CCDC60: variants seen among roughly 807,000 people sequenced by gnomAD.
CCDC60 encodes coiled-coil domain containing 60, also known as coiled-coil domain-containing protein 60.
CCDC60 carries 54 observed loss-of-function variants against 63.5 expected under a neutral mutation model. The observed-to-expected ratio is 0.85, with a 90% confidence interval of 0.68 to 1.07. CCDC60 has a LOEUF of 1.07. Among genes scored for constraint, CCDC60 ranks in the 50% least tolerant of loss-of-function variants. The pLI is 0.00. For synonymous variants in CCDC60, 206 were observed against 238.8 expected (o/e 0.86, Z 1.27); for missense variants, 651 against 684.3 (o/e 0.95, Z 0.54).
chr12:119,499,750 A>C (rs1951802951), intron 5 of CCDC60, among the ~76,000 whole-genome samples: 2 of 152,228 alleles, frequency 1.3e-5, no homozygotes, highest in Non-Finnish European at 2.9e-5. Flanking sequence ...CATGCTTTTC[A>C]ATTCACCCCT....
chr12:119,416,783 C>A (rs1956707100), intron 1 of CCDC60, among the ~76,000 whole-genome samples: 1 of 152,070 alleles, frequency 6.6e-6, no homozygotes, highest in Admixed American at 6.5e-5. Context: ...AAAAATTTCC[C>A]CACAAATCAA....
intron 1 of CCDC60, among the ~76,000 whole-genome samples, chr12:119,428,217 A>G (rs1956933918): frequency 6.6e-6 from 1 of 152,170 alleles, no homozygotes; most frequent in Non-Finnish European, 1.5e-5. Flanking sequence ...CAGCTCTCCA[A>G]ATCAACTGCT....
intron 8 of CCDC60, among the ~76,000 whole-genome samples, chr12:119,518,242 C>T (rs529720063): frequency 6.6e-6 from 1 of 152,300 alleles, no homozygotes; most frequent in East Asian, 1.9e-4. Flanking sequence ...AATGAAGCAT[C>T]AGCTCAATGA....
chr12:119,389,689 A>G (rs939045087), intron 1 of CCDC60, among the ~76,000 whole-genome samples: 6 of 152,108 alleles, frequency 3.9e-5, no homozygotes, highest in Non-Finnish European at 7.3e-5. Context: ...CGATCATGGT[A>G]AGTCTGAGCC....
chr12:119,528,779 C>T (rs1053296002), intron 12 of CCDC60, 33 bp downstream of exon 12: 2 of 1,602,728 alleles, frequency 1.2e-6, no homozygotes, highest in Non-Finnish European at 1.7e-6. Flanking sequence ...AAGATGGTCC[C>T]TGGAAGAGAA....
chr12:119,414,401 C>A (rs1325148271), intron 1 of CCDC60, among the ~76,000 whole-genome samples: 1 of 152,112 alleles, frequency 6.6e-6, no homozygotes, highest in Non-Finnish European at 1.5e-5. Context: ...CTCAGCAAAC[C>A]CTTCTTTAAA....
chr12:119,469,258 A>AT (rs1353404915), intron 2 of CCDC60, among the ~76,000 whole-genome samples: 5 of 151,998 alleles, frequency 3.3e-5, no homozygotes, highest in Non-Finnish European at 5.9e-5. Flanking sequence ...TTTTCAAAAA[A>AT]TTTTTTGAGA....
chr12:119,430,295 A>G (rs985731551), intron 2 of CCDC60, among the ~76,000 whole-genome samples: 1 of 152,188 alleles, frequency 6.6e-6, no homozygotes, highest in African/African-American at 2.4e-5. Flanking sequence ...GTAAGGCTAA[A>G]AGAAGTCAAA....
At chr12:119,398,059 G>GGGC (rs1398625239) in intron 1 of CCDC60, among the ~76,000 whole-genome samples, 13 of 58,632 alleles carry the variant, frequency 2.2e-4, no homozygotes, top group African/African-American at 1.0e-3. Flanking sequence ...GGGAGGAAGG[G>GGGC]GGTGGGGGGA....
intron 4 of CCDC60, among the ~76,000 whole-genome samples, chr12:119,485,821 T>C (rs138465756): frequency 6.6e-6 from 1 of 152,226 alleles, no homozygotes; most frequent in East Asian, 1.9e-4. Flanking sequence ...ATTTAGGAAG[T>C]TTGAAGATTT....
intron 1 of CCDC60, among the ~76,000 whole-genome samples, chr12:119,424,268 C>A (rs996681181): frequency 6.6e-6 from 1 of 152,158 alleles, no homozygotes; most frequent in Admixed American, 6.5e-5. Context: ...ACTATCTTTA[C>A]GTTTTGTAGC....
chr12:119,520,746 T>C (rs1291906576), intron 9 of CCDC60, among the ~76,000 whole-genome samples: 1 of 152,120 alleles, frequency 6.6e-6, no homozygotes, highest in Non-Finnish European at 1.5e-5. Context: ...TTCACCACAT[T>C]GGCCAGGCTG....
intron 5 of CCDC60, among the ~76,000 whole-genome samples, chr12:119,493,959 A>G (rs1413496988): frequency 6.6e-6 from 1 of 152,238 alleles, no homozygotes; most frequent in African/African-American, 2.4e-5. Flanking sequence ...AAAACAAATA[A>G]GTGAATATTT....
chr12:119,470,147 T>C (rs976796609), intron 2 of CCDC60, among the ~76,000 whole-genome samples: 2 of 152,216 alleles, frequency 1.3e-5, no homozygotes, highest in Non-Finnish European at 2.9e-5. Context: ...ACACCTGATA[T>C]TCCATCCACT....
chr12:119,490,730 T>C (rs1001058460), intron 5 of CCDC60, among the ~76,000 whole-genome samples: 1 of 151,956 alleles, frequency 6.6e-6, no homozygotes, highest in African/African-American at 2.4e-5. Flanking sequence ...ACACCTGCCA[T>C]CATACCTGGC....
chr12:119,501,712 C>T (rs1407082567), intron 6 of CCDC60, among the ~76,000 whole-genome samples: 1 of 152,056 alleles, frequency 6.6e-6, no homozygotes, highest in Non-Finnish European at 1.5e-5. Flanking sequence ...GAGCTACAAA[C>T]CTTTAAAAAA....
chr12:119,371,984 G>A (rs527519390), intron 1 of CCDC60, among the ~76,000 whole-genome samples: 5 of 152,262 alleles, frequency 3.3e-5, no homozygotes, highest in South Asian at 4.2e-4. Flanking sequence ...TAGGCCGGAC[G>A]CAGTGGCTCA....
In CCDC60 at chr12:119,480,112, C is replaced by G. The variant is rs1951272350; in HGVS notation, c.449+911C>G. ...AGAGCTGTGATACAATGATTCCAGA[C>G]TTCTCTGTCTGCTCATTTGTCAAAT... On this transcript the variant is annotated intron_variant, in intron 4 of 13. Transcript: ENST00000327554. Among the ~76,000 whole-genome samples, 16 of 151,846 alleles carry G rather than the reference C, an allele frequency of 1.1e-4. No individual in the cohort carries two copies. The South Asian group carries it at 3.3e-3, about 32-fold the overall frequency.
At chr12:119,491,598 G>A (rs1233366013) in intron 5 of CCDC60, among the ~76,000 whole-genome samples, 4 of 152,184 alleles carry the variant, frequency 2.6e-5, no homozygotes, top group Non-Finnish European at 5.9e-5. Context: ...AAAGTGCTGG[G>A]ATTACAGGCA....
Sources: gnomAD v4.1 joint callset for allele counts (sites outside exome capture counted in the v4.1 genomes callset) on GRCh38, gnomAD v4.1.1 for gene constraint, MANE v1.5 for transcripts, NCBI Gene and HGNC (gene_info 2026-07-23, HGNC 2026-07-21) for gene names.